Variants in SYT6 observed in about 807,000 individuals in gnomAD.
The protein encoded by SYT6 is synaptotagmin-6.
A neutral mutation model predicts 38.4 loss-of-function variants in SYT6; 24 were observed. The ratio of observed to expected loss-of-function variants is 0.62; its 90% CI spans 0.45 to 0.88. The LOEUF is 0.88. SYT6 is among the 40% of genes least tolerant of loss of function. The pLI is 0.00. For synonymous variants in SYT6, 265 were observed against 241.9 expected (o/e 1.10, Z -0.89); for missense variants, 611 against 621.0 (o/e 0.98, Z 0.17).
chr1:114,097,578 T>A (rs1675707114), intron 6 of SYT6, 149 bp downstream of exon 6: 2 of 932,980 alleles, frequency 2.1e-6, no homozygotes, highest in Non-Finnish European at 3.2e-6. Context: ...CTCCATTTCC[T>A]TTTGGCCTAT....
At chr1:114,149,615 G>A (rs1557772938) in intron 1 of SYT6, among the ~76,000 whole-genome samples, 1 of 152,046 alleles carries the variant, frequency 6.6e-6, no homozygotes, top group Non-Finnish European at 1.5e-5. Flanking sequence ...CAGAACATTG[G>A]CACTAATTTA....
intron 4 of SYT6, among the ~76,000 whole-genome samples, chr1:114,101,425 C>T (rs952737558): frequency 2.0e-5 from 3 of 152,164 alleles, no homozygotes; most frequent in Non-Finnish European, 4.4e-5. Context: ...TGTATTTCAG[C>T]CTCATTGTCA....
intron 5 of SYT6, 66 bp from the exon 6 acceptor site, chr1:114,097,943 T>TG (rs1433416563): frequency 1.9e-6 from 3 of 1,585,120 alleles, no homozygotes; most frequent in African/African-American, 1.3e-5. Context: ...AGGTCCAGTG[T>TG]GGGGGGTGGT....
chr1:114,126,791 C>T (rs1677772365), intron 3 of SYT6, among the ~76,000 whole-genome samples: 1 of 152,174 alleles, frequency 6.6e-6, no homozygotes, highest in South Asian at 2.1e-4. Flanking sequence ...CCCACCAGCT[C>T]TGTGCTGAAG....
chr1:114,104,890 G>A (rs1272059318), intron 3 of SYT6, among the ~76,000 whole-genome samples: 2 of 152,038 alleles, frequency 1.3e-5, no homozygotes, highest in Non-Finnish European at 1.5e-5. Context: ...TGTAACATGG[G>A]TATATTGCAT....
intron 1 of SYT6, among the ~76,000 whole-genome samples, chr1:114,142,656 A>G (rs1364690477): frequency 6.6e-6 from 1 of 152,192 alleles, no homozygotes; most frequent in Non-Finnish European, 1.5e-5. Context: ...TCTTTAGTGA[A>G]AGGAAAAGTC....
At chr1:114,126,608 G>A (rs929095579) in intron 3 of SYT6, among the ~76,000 whole-genome samples, 1 of 152,232 alleles carries the variant, frequency 6.6e-6, no homozygotes, top group Non-Finnish European at 1.5e-5. Flanking sequence ...AAGGTGGGGG[G>A]AAGCAACGGG....
At chr1:114,112,600 A>G (rs519553) in intron 3 of SYT6, among the ~76,000 whole-genome samples, 115,671 of 152,162 alleles carry the variant, frequency 0.76, 45,077 homozygotes, top group African/African-American at 0.93. Context: ...GTTTGGAGAA[A>G]TTTTAGAAGA....
chr1:114,121,726 G>A (rs10858033), intron 3 of SYT6, among the ~76,000 whole-genome samples: 59,320 of 151,996 alleles, frequency 0.39, 11,689 homozygotes, highest in East Asian at 0.59. Flanking sequence ...TCAAGGAATT[G>A]CCTCAGTTTC....
chr1:114,145,315 G>A (rs1410025402), intron 1 of SYT6, among the ~76,000 whole-genome samples: 1 of 152,068 alleles, frequency 6.6e-6, no homozygotes, highest in African/African-American at 2.4e-5. Flanking sequence ...AATGAAAAAG[G>A]TATGATTATT....
intron 3 of SYT6, among the ~76,000 whole-genome samples, chr1:114,126,862 C>T (rs949896803): frequency 5.9e-5 from 9 of 152,166 alleles, no homozygotes; most frequent in African/African-American, 1.7e-4. Context: ...CAGTGAGAGC[C>T]GTACCCTACA....
intron 1 of SYT6, among the ~76,000 whole-genome samples, chr1:114,149,737 A>G (rs1440279818): frequency 6.6e-6 from 1 of 151,984 alleles, no homozygotes; most frequent in Non-Finnish European, 1.5e-5. Context: ...ATGGAGGTGG[A>G]GGGCAGACAG....
rs536022086 is a variant in SYT6, at chr1:114,126,902, G to A, written c.1071+10593C>T. Among the ~76,000 whole-genome samples, 5 of 152,334 alleles carry A rather than the reference G, an allele frequency of 3.3e-5. No individual in the cohort carries two copies. In the East Asian group the frequency reaches 7.7e-4, roughly 24 times the overall value. On this transcript the variant is annotated intron_variant, in intron 3 of 7. Transcript: ENST00000610222. ...GCTGGCCTGAGTGGGCAATGGGGCT[G>A]TCTGGAGGCTAGGGAACTCATCAAG...
intron 3 of SYT6, among the ~76,000 whole-genome samples, chr1:114,112,104 C>T (rs1571844312): frequency 6.6e-6 from 1 of 152,176 alleles, no homozygotes; most frequent in South Asian, 2.1e-4. Context: ...TGCTTCTCTG[C>T]CCCAAGGGCC....
chr1:114,104,623 G>A (rs1303218025), intron 3 of SYT6, among the ~76,000 whole-genome samples: 1 of 152,148 alleles, frequency 6.6e-6, no homozygotes, highest in Admixed American at 6.5e-5. Context: ...AGTCAGGTTT[G>A]AGGAGGAAGA....
chr1:114,129,613 T>TC, intron 3 of SYT6, among the ~76,000 whole-genome samples: 1 of 68,034 alleles, frequency 1.5e-5, no homozygotes, highest in South Asian at 6.3e-4. Flanking sequence ...TCTTTCTTTC[T>TC]TTCCTTTCTT....
intron 7 of SYT6, among the ~76,000 whole-genome samples, chr1:114,092,334 CTCTCTGTGTGTGTGTG>C (rs1319422742): frequency 1.4e-5 from 2 of 138,492 alleles, no homozygotes; most frequent in Admixed American, 8.3e-5. Flanking sequence ...CTCTCTCTCT[CTCTCTGTGTGTGTGTG>C]TGTGTGTGTG....
At chr1:114,097,403 C>T (rs939659666) in intron 6 of SYT6, among the ~76,000 whole-genome samples, 1 of 152,218 alleles carries the variant, frequency 6.6e-6, no homozygotes, top group Non-Finnish European at 1.5e-5. Context: ...GGGGCTTTCT[C>T]CTAAAGGACA....
rs1011977419 is a variant in SYT6 at position 114,093,858 on chromosome 1, C to G, written c.1516-55G>C. 176 of 1,547,320 alleles carry G rather than the reference C, an allele frequency of 1.1e-4. 1 individual carries two copies. Among genetic ancestry groups the G allele is most frequent in the Non-Finnish European group, 1.5e-4 (169 of 1,119,534 alleles). ...CTGGTTGTTGAGGCCACTGTGGCTTCTGACTCAAGTGTTTCTTAACCAGAA... is the reference window on the plus strand; with the variant it reads ...CTGGTTGTTGAGGCCACTGTGGCTTGTGACTCAAGTGTTTCTTAACCAGAA... On this transcript the variant is annotated intron_variant, in intron 6 of 7. Coordinates refer to ENST00000610222, the MANE Select transcript of SYT6 (RefSeq NM_001253772.2).
Sources: gnomAD v4.1 joint callset for allele counts (sites outside exome capture counted in the v4.1 genomes callset) on GRCh38, gnomAD v4.1.1 for gene constraint, MANE v1.5 for transcripts, NCBI Gene and HGNC (gene_info 2026-07-23, HGNC 2026-07-21) for gene names.